Variants in NRG1 observed in about 807,000 individuals in gnomAD.
NRG1 encodes the protein neuregulin 1.
In NRG1, 18 loss-of-function variants were observed where a neutral mutation model predicts 63.8. That is an observed-to-expected ratio of 0.28 (90% CI 0.19 to 0.42). NRG1 has a LOEUF of 0.42. NRG1 is among the 10% of genes least tolerant of loss of function. NRG1 has a pLI of 1.00. For missense variants in NRG1, 762 were observed against 814.7 expected (o/e 0.94, Z 0.79); for synonymous variants, 302 against 301.3 (o/e 1.00, Z -0.02).
intron 1 of NRG1, among the ~76,000 whole-genome samples, chr8:32,134,929 C>T (rs1216252282): frequency 6.6e-6 from 1 of 152,012 alleles, no homozygotes; most frequent in African/African-American, 2.4e-5. Context: ...CTGAGAATAA[C>T]TAGATAGCTA....
chr8:32,217,167 C>T (rs984612559), intron 1 of NRG1, among the ~76,000 whole-genome samples: 5 of 137,284 alleles, frequency 3.6e-5, no homozygotes, highest in East Asian at 2.3e-4. Flanking sequence ...AAGCCAAGAT[C>T]GAGCCACTGA....
chr8:32,600,564 T>TA (rs1369799215), intron 2 of NRG1, among the ~76,000 whole-genome samples: 1 of 152,252 alleles, frequency 6.6e-6, no homozygotes, highest in Non-Finnish European at 1.5e-5. Flanking sequence ...TTTCTGATAT[T>TA]AAAAAAATGA....
At chr8:31,761,880 G>T (rs1007825288) in intron 1 of NRG1, among the ~76,000 whole-genome samples, 1 of 152,174 alleles carries the variant, frequency 6.6e-6, no homozygotes, top group Admixed American at 6.5e-5. Flanking sequence ...TTGCCACAAA[G>T]ATTTAATAGG....
In NRG1 at chr8:32,486,627, A is replaced by AATTTTTTTTTTTTT. The variant is rs71208187; in HGVS notation, c.38-109201_38-109200insATTTTTTTTTTTTT. Reference sequence around the variant, plus strand: ...CCTCAAGAGGCTACAGAATTGCTGGATTTTTTTTTTTTTTTGGAATGGAGT... The same window carrying AATTTTTTTTTTTTT: ...CCTCAAGAGGCTACAGAATTGCTGGAATTTTTTTTTTTTTTTTTTTTTTTTTTTTGGAATGGAGT... On this transcript the variant is annotated intron_variant, in intron 1 of 10. Coordinates refer to the NRG1 transcript ENST00000519301. Among the ~76,000 whole-genome samples, 3 of 145,518 alleles carry AATTTTTTTTTTTTT rather than the reference A, an allele frequency of 2.1e-5. 1 individual carries two copies. Among genetic ancestry groups the AATTTTTTTTTTTTT allele is most frequent in the Non-Finnish European group, 1.5e-5 (1 of 66,792 alleles).
intron 1 of NRG1, among the ~76,000 whole-genome samples, chr8:31,672,988 G>GA (rs1335564625): frequency 6.6e-6 from 1 of 151,160 alleles, no homozygotes; most frequent in African/African-American, 2.4e-5. Context: ...GAAACACTGG[G>GA]AGATCTTGGA....
intron 5 of NRG1, among the ~76,000 whole-genome samples, chr8:32,673,421 C>T (rs1490006504): frequency 6.6e-6 from 1 of 152,150 alleles, no homozygotes; most frequent in Non-Finnish European, 1.5e-5. Flanking sequence ...TCGATTAAAT[C>T]ATATTTGTGT....
intron 1 of NRG1, among the ~76,000 whole-genome samples, chr8:31,842,378 C>T (rs1159795363): frequency 6.6e-6 from 1 of 152,142 alleles, no homozygotes; most frequent in Non-Finnish European, 1.5e-5. Context: ...TTGTTTTCTC[C>T]ATACTTGGGG....
chr8:32,652,806 T>C (rs1448884941), intron 5 of NRG1, among the ~76,000 whole-genome samples: 2 of 152,170 alleles, frequency 1.3e-5, no homozygotes, highest in African/African-American at 2.4e-5. Context: ...ACATCAGCAT[T>C]TCTGTACTCC....
At chr8:32,412,456 A>ATG (rs1446138107) in intron 1 of NRG1, among the ~76,000 whole-genome samples, 2 of 52,104 alleles carry the variant, frequency 3.8e-5, no homozygotes, top group Admixed American at 3.3e-4. Flanking sequence ...ATATATACAT[A>ATG]TATATATATA....
intron 1 of NRG1, among the ~76,000 whole-genome samples, chr8:32,039,131 T>A (rs1426960368): frequency 1.3e-5 from 2 of 152,234 alleles, no homozygotes. Context: ...TAATTTCTTT[T>A]TATCATGTCT....
intron 1 of NRG1, among the ~76,000 whole-genome samples, chr8:32,573,482 G>A (rs1839023246): frequency 6.6e-6 from 1 of 152,056 alleles, no homozygotes. Context: ...CCAATATCCT[G>A]ACATAAAATA....
chr8:31,965,837 C>T (rs1359101236), intron 1 of NRG1, among the ~76,000 whole-genome samples: 1 of 151,990 alleles, frequency 6.6e-6, no homozygotes, highest in Non-Finnish European at 1.5e-5. Context: ...AGCTGGGAAC[C>T]ATTATCCTAT....
intron 1 of NRG1, among the ~76,000 whole-genome samples, chr8:31,830,467 A>G (rs1417423791): frequency 6.6e-6 from 1 of 151,966 alleles, no homozygotes; most frequent in Non-Finnish European, 1.5e-5. Context: ...CAGCTGGGAC[A>G]ACTTAAATTG....
At chr8:31,684,424 A>C (rs1462087713) in intron 1 of NRG1, among the ~76,000 whole-genome samples, 1 of 152,070 alleles carries the variant, frequency 6.6e-6, no homozygotes. Flanking sequence ...TGGAAACAGC[A>C]CTCGTCAGAC....
chr8:32,648,322 C>T (rs746430642), intron 5 of NRG1: 11 of 1,613,968 alleles, frequency 6.8e-6, no homozygotes, highest in South Asian at 4.4e-5. Context: ...GAGGTGAGAA[C>T]GCCCAAGTCA....
At chr8:32,302,083 T>C (rs1485786959) in intron 1 of NRG1, among the ~76,000 whole-genome samples, 1 of 152,230 alleles carries the variant, frequency 6.6e-6, no homozygotes, top group Non-Finnish European at 1.5e-5. Flanking sequence ...TAGTGATGTA[T>C]TATTGTTATT....
At chr8:31,719,627 A>G (rs1229988520) in intron 1 of NRG1, among the ~76,000 whole-genome samples, 1 of 152,200 alleles carries the variant, frequency 6.6e-6, no homozygotes, top group Non-Finnish European at 1.5e-5. Flanking sequence ...GGTCATTTTT[A>G]GAATGCTTAT....
At chr8:31,962,221 T>C (rs1159551914) in intron 1 of NRG1, among the ~76,000 whole-genome samples, 2 of 152,168 alleles carry the variant, frequency 1.3e-5, no homozygotes, top group African/African-American at 4.8e-5. Flanking sequence ...AGGGTCAAAA[T>C]TGTCTACAGA....
At chr8:32,057,216 G>A (rs1823092219) in intron 1 of NRG1, among the ~76,000 whole-genome samples, 1 of 152,108 alleles carries the variant, frequency 6.6e-6, no homozygotes, top group South Asian at 2.1e-4. Context: ...TCTCTTTATA[G>A]ACATAGTGTG....
Sources: allele counts gnomAD v4.1 joint callset (sites outside exome capture counted in the v4.1 genomes callset), GRCh38; gene constraint gnomAD v4.1.1; transcripts MANE v1.5; gene names NCBI Gene and HGNC (gene_info 2026-07-23, HGNC 2026-07-21).